The following KCNJ6 variants were observed in gnomAD, a reference collection of about 807,000 sequenced individuals.
KCNJ6 encodes the protein potassium inwardly rectifying channel subfamily J member 6.
Under a neutral mutation model 34.2 loss-of-function variants are expected in KCNJ6, and 9 were observed. The observed-to-expected ratio is 0.26, with a 90% CI of 0.16 to 0.46. The LOEUF (loss-of-function observed/expected upper bound fraction) is 0.46, where lower values mean the gene tolerates loss of function less well. Among genes scored for constraint, KCNJ6 ranks in the 20% least tolerant of loss-of-function variants. The pLI, the probability that KCNJ6 is intolerant of heterozygous loss-of-function variation, is 1.00. For missense variants in KCNJ6, 236 were observed against 531.3 expected, an observed-to-expected ratio of 0.44 and a Z score of 5.46; for synonymous variants, 196 against 207.1, an observed-to-expected ratio of 0.95 and a Z score of 0.46.
chr21:37,901,918 G>T (rs2055818761), intron 1 of KCNJ6, among the ~76,000 whole-genome samples: 1 of 152,150 alleles, frequency 6.6e-6, no homozygotes, highest in Non-Finnish European at 1.5e-5. Flanking sequence ...AGAAGCAGGG[G>T]ACAGGAAAAC....
At chr21:37,878,881 C>T (rs192053524) in intron 1 of KCNJ6, among the ~76,000 whole-genome samples, 5 of 152,220 alleles carry the variant, frequency 3.3e-5, no homozygotes, top group Admixed American at 6.5e-5. Flanking sequence ...ATGGCGATCC[C>T]GTGTGATGTT....
intron 2 of KCNJ6, among the ~76,000 whole-genome samples, chr21:37,753,589 T>C (rs574096341): frequency 3.9e-5 from 6 of 152,306 alleles, no homozygotes; most frequent in African/African-American, 1.4e-4. Context: ...GCTCCTACTG[T>C]GCAAAGGGCA....
intron 2 of KCNJ6, among the ~76,000 whole-genome samples, chr21:37,780,837 C>G (rs918714176): frequency 1.3e-5 from 2 of 151,518 alleles, no homozygotes; most frequent in African/African-American, 4.9e-5. Context: ...TCTCATGTAC[C>G]CTATACATAT....
In KCNJ6 at chr21:37,902,777, A is replaced by G. The variant is rs760311718; in HGVS notation, c.-28+13107T>C. 6.3e-4 allele frequency among the ~76,000 whole-genome samples: 96 copies of G among 152,206 alleles called. 1 individual carries two copies. The highest frequency in any genetic ancestry group is 2.6e-4 in the Admixed American group (4 of 15,284). On this transcript the variant is annotated intron_variant, in intron 1 of 3. Coordinates refer to ENST00000609713, the MANE Select transcript of KCNJ6 (RefSeq NM_002240.5). ...AAGATAAAAGCTCAAGCCTGAGAAC[A>G]TGACTTTGCATTTTGGTGGCATTTT... is the stretch of plus-strand genomic sequence containing the variant.
At chr21:37,700,365 T>C (rs921698378) in intron 3 of KCNJ6, among the ~76,000 whole-genome samples, 1 of 152,158 alleles carries the variant, frequency 6.6e-6, no homozygotes, top group Non-Finnish European at 1.5e-5. Flanking sequence ...ATCCATGGCA[T>C]ATTCAGGAAC....
chr21:37,678,625 T>G (rs568661909), intron 3 of KCNJ6, among the ~76,000 whole-genome samples: 1 of 152,200 alleles, frequency 6.6e-6, no homozygotes, highest in South Asian at 2.1e-4. Context: ...GATTGATGAA[T>G]GTATGGGTGG....
chr21:37,649,333 A>G (rs2835863), intron 3 of KCNJ6, among the ~76,000 whole-genome samples: 47,958 of 151,894 alleles, frequency 0.32, 8,015 homozygotes, highest in East Asian at 0.46. Context: ...CTTTCCTCTG[A>G]GGCCACCTCC....
intron 2 of KCNJ6, among the ~76,000 whole-genome samples, chr21:37,739,618 G>A (rs1489634715): frequency 7.2e-5 from 11 of 152,142 alleles, no homozygotes; most frequent in African/African-American, 1.7e-4. Context: ...ACTTTAGCCC[G>A]CTGGTTCAAT....
At chr21:37,713,059 A>G (rs977125432) in intron 3 of KCNJ6, among the ~76,000 whole-genome samples, 4 of 152,088 alleles carry the variant, frequency 2.6e-5, no homozygotes, top group African/African-American at 9.7e-5. Flanking sequence ...CTATAGCAAA[A>G]GTTTCACACC....
Position 37,673,383 on chromosome 21 carries a change from C to T in KCNJ6, c.946+40828G>A, listed in dbSNP as rs1040270818. 4.6e-5 allele frequency among the ~76,000 whole-genome samples: 7 copies of T among 152,268 alleles called. No individual in the cohort carries two copies. The East Asian group carries it at 1.2e-3, about 25-fold the overall frequency. On this transcript the variant is annotated intron_variant, in intron 3 of 3. Transcript: ENST00000609713. The stretch of plus-strand genomic sequence containing the variant: ...TGGCTGGGCTGCCCCTGTCCCCTCC[C>T]CCTCTTCCAGTCCTGTTTCTTTCCA...
chr21:37,871,178 C>T (rs3787859), intron 1 of KCNJ6, among the ~76,000 whole-genome samples: 66,906 of 151,950 alleles, frequency 0.44, 16,093 homozygotes, highest in East Asian at 0.61. Flanking sequence ...TGGCAAATGA[C>T]AGGATAGTTG....
intron 1 of KCNJ6, among the ~76,000 whole-genome samples, chr21:37,899,207 C>G (rs1053643874): frequency 6.6e-6 from 1 of 151,988 alleles, no homozygotes; most frequent in Non-Finnish European, 1.5e-5. Context: ...GGTGGAAGAA[C>G]AGTGAGAGGA....
intron 2 of KCNJ6, among the ~76,000 whole-genome samples, chr21:37,742,048 T>C (rs564633035): frequency 7.9e-5 from 12 of 152,242 alleles, no homozygotes; most frequent in Non-Finnish European, 1.6e-4. Flanking sequence ...AGGCATGCCC[T>C]GATGGAAACT....
intron 2 of KCNJ6, among the ~76,000 whole-genome samples, chr21:37,719,777 TA>T (rs1299510551): frequency 3.3e-5 from 5 of 152,188 alleles, no homozygotes; most frequent in East Asian, 3.8e-4. Context: ...GAAATAATAA[TA>T]AATGACAGAG....
intron 2 of KCNJ6, among the ~76,000 whole-genome samples, chr21:37,731,269 GT>G (rs1411957627): frequency 6.6e-6 from 1 of 152,200 alleles, no homozygotes; most frequent in East Asian, 1.9e-4. Context: ...AGGGGCTTGT[GT>G]TTGGGATATG....
chr21:37,701,806 G>C (rs2054692497), intron 3 of KCNJ6, among the ~76,000 whole-genome samples: 1 of 152,150 alleles, frequency 6.6e-6, no homozygotes, highest in Non-Finnish European at 1.5e-5. Flanking sequence ...GAAGAGGTTG[G>C]AGGTGAGAGC....
chr21:37,822,997 A>G (rs771612064), intron 2 of KCNJ6, among the ~76,000 whole-genome samples: 2 of 152,200 alleles, frequency 1.3e-5, no homozygotes, highest in Non-Finnish European at 2.9e-5. Flanking sequence ...AAACCAGGCA[A>G]GAGACTATAG....
At chr21:37,799,558 C>T (rs531120324) in intron 2 of KCNJ6, among the ~76,000 whole-genome samples, 2 of 152,116 alleles carry the variant, frequency 1.3e-5, no homozygotes, top group South Asian at 4.1e-4. Context: ...CTGCTTGAGG[C>T]AGAAAAAATA....
chr21:37,815,097 A>T (rs2055340503), intron 2 of KCNJ6, among the ~76,000 whole-genome samples: 1 of 152,004 alleles, frequency 6.6e-6, no homozygotes. Context: ...AGAGAGTAGG[A>T]TGCTTACCAG....
Sources: gnomAD v4.1 joint callset for allele counts (sites outside exome capture counted in the v4.1 genomes callset) on GRCh38, gnomAD v4.1.1 for gene constraint, MANE v1.5 for transcripts, NCBI Gene and HGNC (gene_info 2026-07-23, HGNC 2026-07-21) for gene names.